Variants in SCYL1 observed in about 807,000 individuals in gnomAD.
SCYL1 encodes the protein SCY1 like pseudokinase 1, also known as N-terminal kinase-like protein.
A neutral mutation model predicts 94.8 loss-of-function variants in SCYL1; 85 were observed. That is an observed-to-expected ratio of 0.90 (90% CI 0.75 to 1.07). The LOEUF (loss-of-function observed/expected upper bound fraction) is 1.07, where lower values mean the gene tolerates loss of function less well. Among genes scored for constraint, SCYL1 ranks in the 50% least tolerant of loss-of-function variants. The pLI, the probability that SCYL1 is intolerant of heterozygous loss-of-function variation, is 0.00. For synonymous variants in SCYL1, 459 were observed against 435.5 expected, an observed-to-expected ratio of 1.05 and a Z score of -0.67; for missense variants, 968 against 1,083.3, an observed-to-expected ratio of 0.89 and a Z score of 1.49.
intron 6 of SCYL1, among the ~76,000 whole-genome samples, chr11:65,529,450 G>A (rs573117702): frequency 6.6e-6 from 1 of 152,356 alleles, no homozygotes; most frequent in Non-Finnish European, 1.5e-5. Flanking sequence ...AGGTGGAGTG[G>A]TGGGGAGAAC....
intron 6 of SCYL1, among the ~76,000 whole-genome samples, chr11:65,528,966 C>T (rs1329001233): frequency 3.3e-5 from 5 of 152,168 alleles, no homozygotes; most frequent in Admixed American, 2.0e-4. Flanking sequence ...TGCTTTGCCT[C>T]TGAACCTTGG....
At position 65,535,953 on chromosome 11, in the gene SCYL1, A is replaced by C. The variant is rs1565077237; in HGVS notation, c.1387A>C (p.Thr463Pro). ...AGCCCTCTTTCCTGCCCCATCGTAG[A>C]CCAGACACAGGGTCCTTACCTCTGC... ...GKIGSYLSAS[T>P]RHRVLTSAFS... Residue 463 changes from threonine (T) to proline (P), a missense_variant and splice_region_variant, in exon 11 of 18, where the codon ACC (threonine) becomes CCC (proline). By Grantham distance (38) the Thr-to-Pro change is conservative. Transcript: ENST00000270176. 1 of 1,582,384 alleles carries C rather than the reference A, an allele frequency of 6.3e-7. No homozygotes were observed. The highest frequency in any genetic ancestry group is 8.6e-7 in the Non-Finnish European group (1 of 1,163,468).
intron 9 of SCYL1, 187 bp downstream of exon 9, chr11:65,532,992 G>A (rs1015407267): frequency 3.2e-4 from 184 of 579,524 alleles, no homozygotes; most frequent in Non-Finnish European, 5.1e-4. Context: ...AGCAGACAAC[G>A]AGCATCTGCC....
chr11:65,536,805 AC>A (rs1472184242), intron 13 of SCYL1, 55 bp downstream of exon 13: 2 of 1,534,786 alleles, frequency 1.3e-6, no homozygotes, highest in Non-Finnish European at 8.9e-7. Context: ...AGCTGCAGGC[AC>A]CCAGGAACTC....
chr11:65,536,410 T>G (rs1022677701), intron 12 of SCYL1, 76 bp downstream of exon 12: 1 of 1,515,678 alleles, frequency 6.6e-7, no homozygotes, highest in African/African-American at 1.4e-5. Context: ...CCACCCCCAC[T>G]GGAGTTTCTG....
chr11:65,526,116 G>A lies in SCYL1; in HGVS notation c.376-8G>A, dbSNP rs1855063255. On this transcript the variant is annotated splice_polypyrimidine_tract_variant and splice_region_variant and intron_variant, in intron 3 of 17. Coordinates refer to ENST00000270176, the MANE Select transcript of SCYL1 (RefSeq NM_020680.4). The surrounding 1 kb of genome is among the most constrained non-coding windows in gnomAD (Gnocchi z 4.1). The stretch of plus-strand genomic sequence containing the variant: ...GTGCTGGGGCGTGATGGCTCCTTTT[G>A]CCCCCAGAAAGCCCTCAGCTTCCTG... 1.2e-6 allele frequency: 2 copies of A among 1,612,640 alleles called. No homozygotes were observed. Among genetic ancestry groups the A allele is most frequent in the South Asian group, 2.2e-5 (2 of 91,068 alleles).
intron 1 of SCYL1, 151 bp downstream of exon 1, chr11:65,525,415 C>T: frequency 1.9e-6 from 2 of 1,071,324 alleles, no homozygotes; most frequent in Non-Finnish European, 2.6e-6. Flanking sequence ...ACGTGGCGGG[C>T]GGAGGGACCG....
At chr11:65,525,305 C>A in intron 1 of SCYL1, 41 bp downstream of exon 1, 1 of 1,340,170 alleles carries the variant, frequency 7.5e-7, no homozygotes, top group Non-Finnish European at 9.8e-7. Context: ...TCGACCTGGG[C>A]CTTGCCTATT....
intron 15 of SCYL1, 42 bp downstream of exon 15, chr11:65,537,922 T>G (rs781542646): frequency 4.4e-6 from 7 of 1,584,326 alleles, no homozygotes; most frequent in Non-Finnish European, 6.0e-6. Context: ...TGGGGCTCTT[T>G]CCTCCTTGGG....
intron 11 of SCYL1, 33 bp downstream of exon 11, chr11:65,536,174 G>T (rs377541875): frequency 4.4e-6 from 7 of 1,606,798 alleles, no homozygotes; most frequent in Non-Finnish European, 4.3e-6. Context: ...CCCTGGGCTG[G>T]GGCTGTAGGG....
chr11:65,529,217 G>C (rs1213543157), intron 6 of SCYL1, among the ~76,000 whole-genome samples: 1 of 152,196 alleles, frequency 6.6e-6, no homozygotes, highest in Admixed American at 6.5e-5. Flanking sequence ...AGGGCCTTTG[G>C]AGGGTGGAAA....
At position 65,526,693 on chromosome 11, in the gene SCYL1, G is replaced by A. The variant is rs2135033401; in HGVS notation, c.603-90G>A. The stretch of plus-strand genomic sequence containing the variant: ...CAGCTGAGGGACATAGCCAGGCCCT[G>A]GCATGCAGTGGGTGCCTGGTGCCCA... On this transcript the variant is annotated intron_variant, in intron 4 of 17. Coordinates refer to ENST00000270176, the MANE Select transcript of SCYL1 (RefSeq NM_020680.4). The surrounding 1 kb of genome is among the most constrained non-coding windows in gnomAD (Gnocchi z 4.1). The A allele has an allele frequency of 3.2e-6, 4 of 1,255,486 alleles. No individual in the cohort carries two copies. The highest frequency in any genetic ancestry group is 2.3e-5 in the East Asian group (1 of 42,722). 77.8% of individuals were successfully genotyped at this position (1,255,486 alleles called of 1,614,324 possible). A position where few individuals can be genotyped will look rare whatever the true frequency, so the allele number is the denominator to read the frequency against.
At chr11:65,536,455 C>T in intron 12 of SCYL1, 121 bp downstream of exon 12, 1 of 1,410,556 alleles carries the variant, frequency 7.1e-7, no homozygotes. Context: ...CTCAGCTCCC[C>T]CTTCACAGAT....
At position 65,525,929 on chromosome 11, in the gene SCYL1, A is replaced by C; in HGVS notation, c.261A>C (p.Lys87Asn). The C allele has an allele frequency of 6.2e-7, 1 of 1,613,262 alleles. No homozygotes were observed. Among genetic ancestry groups the C allele is most frequent in the Non-Finnish European group, 8.5e-7 (1 of 1,179,772 alleles). ...LAYIDGLETE[K>N]CLHVVTEAVT... ...TGTGTCCCCTTCCCCAGACAGAAAA[A>C]TGCCTCCACGTCGTGACAGAGGCTG... Residue 87 changes from lysine to asparagine, a missense_variant, in exon 3 of 18, where the codon AAA becomes AAC. Lys to Asn is a moderately conservative substitution (Grantham distance 94, BLOSUM62 0). This residue lies in a region of SCYL1 where 494 missense variants were observed against 619.7 expected (regional missense o/e 0.80). Transcript: ENST00000270176.
At chr11:65,525,326 G>C (rs912759207) in intron 1 of SCYL1, 62 bp downstream of exon 1, 6 of 1,257,490 alleles carry the variant, frequency 4.8e-6, no homozygotes, top group Admixed American at 3.4e-5. Flanking sequence ...CCGCGCCGCC[G>C]ACCCCGTCGC....
At chr11:65,536,787 G>A (rs759572916) in intron 13 of SCYL1, 37 bp downstream of exon 13, 11 of 1,567,116 alleles carry the variant, frequency 7.0e-6, no homozygotes, top group South Asian at 1.2e-5. Context: ...GTGGCTGAGA[G>A]GGCTGAGAGC....
rs1855656007 is a variant in SCYL1, at chr11:65,536,587, G to A, written c.1653G>A (p.Glu551=). Residue 551 remains glutamate (E), a splice_region_variant and synonymous_variant, in exon 13 of 18, where the codon GAG becomes GAA. Transcript: ENST00000270176. Reference sequence around the variant, plus strand: ...CCTCTCTCTCATGCCACTGCCCAGAGAAGGATGTCCATGCAGCCTCCAGCC... The same window carrying A: ...CCTCTCTCTCATGCCACTGCCCAGAAAAGGATGTCCATGCAGCCTCCAGCC... ...SEDPTQLEEV[E]KDVHAASSPG... is the part of the protein sequence containing the mutation. 1.2e-6 allele frequency: 2 copies of A among 1,613,910 alleles called. No individual in the cohort carries two copies. Among genetic ancestry groups the A allele is most frequent in the South Asian group, 2.2e-5 (2 of 91,084 alleles).
intron 1 of SCYL1, 96 bp from the exon 2 acceptor site, chr11:65,525,478 C>G: frequency 6.7e-7 from 1 of 1,488,654 alleles, no homozygotes; most frequent in South Asian, 1.3e-5. Flanking sequence ...CGAAGTGTCC[C>G]TAAGGCTGAC....
Position 65,538,045 on chromosome 11 carries a change from C to T in SCYL1, c.2110C>T (p.Gln704Ter), listed in dbSNP as rs1193182147. The change falls in exon 16 of 18, where the codon CAG (glutamine) becomes TAG (stop). Residue 704 changes from glutamine (Q) to a stop codon, truncating the protein, a stop_gained. Coordinates refer to ENST00000270176, the MANE Select transcript of SCYL1 (RefSeq NM_020680.4). LOFTEE classifies it high-confidence loss of function. ...SSWEAEGSWE[Q>*]GWQEPSSQEP... ...CTGGGAAGCTGAGGGCTCCTGGGAA[C>T]AGGGCTGGCAGGAGCCAAGCTCCCA... The T allele has an allele frequency of 1.2e-6, 2 of 1,611,054 alleles. No individual in the cohort carries two copies. The highest frequency in any genetic ancestry group is 1.7e-5 in the Admixed American group (1 of 59,550).
Sources: gnomAD v4.1 joint callset for allele counts (sites outside exome capture counted in the v4.1 genomes callset) on GRCh38, gnomAD v4.1.1 for gene constraint, gnomAD v4.1.1 regional missense constraint, Gnocchi (gnomAD v3.1) non-coding constraint, MANE v1.5 for transcripts, NCBI Gene and HGNC (gene_info 2026-07-23, HGNC 2026-07-21) for gene names.